The following BMPER variants were observed in gnomAD, a reference collection of about 807,000 sequenced individuals.
The protein encoded by BMPER is BMP binding endothelial regulator.
Under a neutral mutation model 87.3 loss-of-function variants are expected in BMPER, and 45 were observed. The ratio of observed to expected loss-of-function variants is 0.52; its 90% CI spans 0.41 to 0.66. The LOEUF is 0.66. Ranked by LOEUF, BMPER falls within the 30% of genes least tolerant of loss-of-function variation. BMPER has a pLI of 0.00. For synonymous variants in BMPER, 326 were observed against 316.2 expected, an observed-to-expected ratio of 1.03 and a Z score of -0.33; for missense variants, 784 against 867.5, an observed-to-expected ratio of 0.90 and a Z score of 1.21.
chr7:34,134,138 C>T (rs996462636), intron 13 of BMPER, among the ~76,000 whole-genome samples: 1 of 152,114 alleles, frequency 6.6e-6, no homozygotes, highest in Admixed American at 6.5e-5. Flanking sequence ...TGGCAGGCAT[C>T]AGGGGTAGGT....
At chr7:34,113,689 G>T (rs1446382959) in intron 13 of BMPER, among the ~76,000 whole-genome samples, 1 of 152,030 alleles carries the variant, frequency 6.6e-6, no homozygotes, top group African/African-American at 2.4e-5. Flanking sequence ...GCGTGCCACA[G>T]GCTTTGTATA....
At chr7:34,062,793 G>A (rs758033867) in intron 11 of BMPER, among the ~76,000 whole-genome samples, 12 of 152,172 alleles carry the variant, frequency 7.9e-5, no homozygotes, top group Admixed American at 2.0e-4. Flanking sequence ...TGGTATTTGT[G>A]TATCTAAGTA....
intron 12 of BMPER, 125 bp downstream of exon 12, chr7:34,079,311 A>T: frequency 7.9e-7 from 1 of 1,266,446 alleles, no homozygotes; most frequent in South Asian, 1.3e-5. Context: ...AGGCAGAGCC[A>T]GGTTCCAACT....
chr7:34,020,356 G>C (rs903071021), intron 6 of BMPER, among the ~76,000 whole-genome samples: 1 of 151,944 alleles, frequency 6.6e-6, no homozygotes, highest in African/African-American at 2.4e-5. Context: ...AAGGGATGGG[G>C]GCACAGTCTT....
chr7:33,914,361 AGTGT>A (rs1454814989), intron 2 of BMPER, among the ~76,000 whole-genome samples: 1 of 152,180 alleles, frequency 6.6e-6, no homozygotes. Context: ...GTCTTGCAGA[AGTGT>A]TTTGGAGCCC....
chr7:33,998,044 A>T (rs1001407514), intron 6 of BMPER, among the ~76,000 whole-genome samples: 1 of 152,286 alleles, frequency 6.6e-6, no homozygotes, highest in Admixed American at 6.5e-5. Context: ...TACAAGCTCC[A>T]TTAGGACTGG....
chr7:34,029,248 G>A (rs922417740), intron 6 of BMPER, among the ~76,000 whole-genome samples: 2 of 152,088 alleles, frequency 1.3e-5, no homozygotes, highest in Admixed American at 1.3e-4. Flanking sequence ...GATCAAAAGT[G>A]AGAATGAAAA....
At chr7:34,062,184 A>G in intron 11 of BMPER, 137 bp downstream of exon 11, 1 of 750,160 alleles carries the variant, frequency 1.3e-6, no homozygotes, top group Non-Finnish European at 2.2e-6. Context: ...TCACCTCCCT[A>G]CAGTCACTTT....
chr7:34,031,613 G>A (rs1428409861), intron 6 of BMPER, among the ~76,000 whole-genome samples: 7 of 151,656 alleles, frequency 4.6e-5, no homozygotes, highest in Non-Finnish European at 1.5e-5. Flanking sequence ...CCGTTCTCTT[G>A]GCCAGTGAAA....
intron 6 of BMPER, among the ~76,000 whole-genome samples, chr7:34,005,887 C>A (rs1428077391): frequency 2.0e-5 from 3 of 151,892 alleles, no homozygotes; most frequent in African/African-American, 7.3e-5. Flanking sequence ...TTAAATCTTT[C>A]CTTGTGTTCT....
intron 2 of BMPER, among the ~76,000 whole-genome samples, chr7:33,929,124 T>C (rs1370724365): frequency 6.6e-6 from 1 of 152,180 alleles, no homozygotes; most frequent in East Asian, 1.9e-4. Flanking sequence ...GAGTTTGCAC[T>C]GTGAGCTGGG....
chr7:33,943,739 C>T (rs1784819610), intron 3 of BMPER, among the ~76,000 whole-genome samples: 1 of 152,126 alleles, frequency 6.6e-6, no homozygotes, highest in African/African-American at 2.4e-5. Flanking sequence ...AAATTTAGAC[C>T]TGTTTGGATA....
chr7:33,918,398 A>T (rs920556937), intron 2 of BMPER, among the ~76,000 whole-genome samples: 9 of 152,206 alleles, frequency 5.9e-5, no homozygotes, highest in Non-Finnish European at 8.8e-5. Context: ...GCTGCTCCAC[A>T]TCAGTGGCCT....
intron 8 of BMPER, among the ~76,000 whole-genome samples, chr7:34,053,654 A>G (rs1166969867): frequency 2.0e-5 from 3 of 152,244 alleles, no homozygotes; most frequent in Non-Finnish European, 4.4e-5. Flanking sequence ...AAGAGAAAAT[A>G]TATTCACTAT....
chr7:34,128,985 T>C (rs1236797686), intron 13 of BMPER, among the ~76,000 whole-genome samples: 1 of 152,172 alleles, frequency 6.6e-6, no homozygotes, highest in Non-Finnish European at 1.5e-5. Flanking sequence ...ATCCGGCCTG[T>C]TGGGTTTTTG....
chr7:33,954,156 G>T (rs551228342), intron 3 of BMPER, among the ~76,000 whole-genome samples: 1 of 152,282 alleles, frequency 6.6e-6, no homozygotes, highest in Admixed American at 6.5e-5. Flanking sequence ...TGTTCTCCTG[G>T]TTAAATGATG....
chr7:34,008,242 C>T (rs1056356215), intron 6 of BMPER, among the ~76,000 whole-genome samples: 1 of 151,786 alleles, frequency 6.6e-6, no homozygotes, highest in Non-Finnish European at 1.5e-5. Context: ...GGTTGTTGGT[C>T]TTTCATGTTG....
At chr7:34,142,904 A>C (rs371612030) in intron 13 of BMPER, among the ~76,000 whole-genome samples, 1 of 152,366 alleles carries the variant, frequency 6.6e-6, no homozygotes, top group African/African-American at 2.4e-5. Flanking sequence ...TGGTTCCTCC[A>C]TTGTGGTAGC....
chr7:33,932,545 A>G (rs1343901509), intron 2 of BMPER, among the ~76,000 whole-genome samples: 1 of 152,212 alleles, frequency 6.6e-6, no homozygotes, highest in Non-Finnish European at 1.5e-5. Flanking sequence ...TTGATCTTCA[A>G]CATGGCTAAC....
Sources: allele counts gnomAD v4.1 joint callset (sites outside exome capture counted in the v4.1 genomes callset), GRCh38; gene constraint gnomAD v4.1.1; transcripts MANE v1.5; gene names NCBI Gene and HGNC (gene_info 2026-07-23, HGNC 2026-07-21).